The following WDR76 variants were observed in gnomAD, a reference collection of about 807,000 sequenced individuals.
WDR76 encodes WD repeat-containing protein 76.
WDR76 carries 52 observed loss-of-function variants against 70.2 expected under a neutral mutation model. The observed-to-expected ratio is 0.74, with a 90% CI of 0.59 to 0.93. The LOEUF (loss-of-function observed/expected upper bound fraction) is 0.93, where lower values mean the gene tolerates loss of function less well. Among genes scored for constraint, WDR76 ranks in the 40% least tolerant of loss-of-function variants. WDR76 has a pLI of 0.00. For missense variants in WDR76, 756 were observed against 760.2 expected (o/e 0.99, Z 0.07); for synonymous variants, 292 against 271.1 (o/e 1.08, Z -0.76).
At chr15:43,842,551 ATC>A in intron 6 of WDR76, 35 bp downstream of exon 6, 1 of 1,603,116 alleles carries the variant, frequency 6.2e-7, no homozygotes, top group Non-Finnish European at 8.5e-7. Flanking sequence ...CTTTAGAATC[ATC>A]TGTTAAGGAA....
At chr15:43,857,797 TGACAGA>T (rs905267361) in intron 10 of WDR76, among the ~76,000 whole-genome samples, 4 of 127,950 alleles carry the variant, frequency 3.1e-5, no homozygotes, top group Non-Finnish European at 4.6e-5. Context: ...CCAGCCTGGA[TGACAGA>T]GCGAGACTCT....
rs1255525216 is a variant in WDR76 at position 43,848,167 on chromosome 15, C to T, written c.1033-2920C>T. On this transcript the variant is annotated intron_variant, in intron 8 of 12. Transcript: ENST00000263795. ...CTGGGAATATCACCTGAGCTCAAGG[C>T]GGTTGAGGCTGCAGTGAGCCATGAT... 3.3e-5 allele frequency among the ~76,000 whole-genome samples: 5 copies of T among 152,076 alleles called. No homozygotes were observed. In the South Asian group the frequency reaches 8.3e-4, roughly 25 times the overall value.
chr15:43,840,356 CAAA>C, intron 5 of WDR76, among the ~76,000 whole-genome samples: 1 of 151,506 alleles, frequency 6.6e-6, no homozygotes, highest in South Asian at 2.1e-4. Flanking sequence ...AAAAAAACCT[CAAA>C]GAGCTACTGT....
intron 2 of WDR76, among the ~76,000 whole-genome samples, chr15:43,831,934 A>G (rs2087595113): frequency 6.6e-6 from 1 of 151,298 alleles, no homozygotes; most frequent in Non-Finnish European, 1.5e-5. Flanking sequence ...TTTTTAATAG[A>G]GATGGGGTTT....
In WDR76 at chr15:43,867,389, C is replaced by G. The variant is rs1416555705; in HGVS notation, c.*997C>G. ...GTGTTTTTCAGACTGGGTTTTTGCT[C>G]TTCACATGAAATCAAGTTAGATGAC... On this transcript the variant is annotated 3_prime_UTR_variant, in exon 13 of 13. Transcript: ENST00000263795. 1 of 151,854 alleles carries G rather than the reference C, an allele frequency of 6.6e-6. No individual in the cohort carries two copies. The highest frequency in any genetic ancestry group is 1.5e-5 in the Non-Finnish European group (1 of 68,010). 9.4% of individuals were successfully genotyped at this position (151,854 alleles called of 1,614,324 possible).
At chr15:43,832,844 C>T (rs2087609147) in intron 2 of WDR76, among the ~76,000 whole-genome samples, 1 of 144,098 alleles carries the variant, frequency 6.9e-6, no homozygotes, top group East Asian at 2.1e-4. Flanking sequence ...CCACTGCCTC[C>T]CAGGTTCAAG....
chr15:43,851,269 C>G, intron 9 of WDR76, 24 bp downstream of exon 9: 1 of 1,609,658 alleles, frequency 6.2e-7, no homozygotes, highest in Non-Finnish European at 8.5e-7. Context: ...TGTTTACATG[C>G]TGACTTCAGA....
chr15:43,857,903 T>C (rs1466999181), intron 10 of WDR76, among the ~76,000 whole-genome samples: 1 of 151,170 alleles, frequency 6.6e-6, no homozygotes, highest in East Asian at 1.9e-4. Context: ...TGTCTAGTAT[T>C]GTACTTGTTA....
At chr15:43,837,712 A>T in intron 4 of WDR76, among the ~76,000 whole-genome samples, 1 of 152,246 alleles carries the variant, frequency 6.6e-6, no homozygotes. Flanking sequence ...AAAGGTACAT[A>T]TAATGTATTT....
chr15:43,836,197 C>A lies in WDR76; in HGVS notation c.589C>A (p.Gln197Lys). 1.2e-6 allele frequency: 2 copies of A among 1,609,900 alleles called. No individual in the cohort carries two copies. The highest frequency in any genetic ancestry group is 8.5e-7 in the Non-Finnish European group (1 of 1,178,178). Residue 197 changes from glutamine to lysine, a missense_variant, in exon 4 of 13, where the codon CAG becomes AAG. By Grantham distance (53) the Gln-to-Lys change is moderately conservative (BLOSUM62 1). Coordinates refer to ENST00000263795, the MANE Select transcript of WDR76 (RefSeq NM_024908.4). ...ARLREMIEKRQPPKSKRKKPK... is the reference protein window; with the variant it reads ...ARLREMIEKRKPPKSKRKKPK... ...ACTCCGTGAAATGATAGAGAAGAGA[C>A]AGCCTCCTAAATCCAAAAGGTAAAA...
intron 12 of WDR76, among the ~76,000 whole-genome samples, chr15:43,862,670 G>A (rs1227160277): frequency 1.3e-5 from 2 of 148,742 alleles, no homozygotes; most frequent in Non-Finnish European, 1.5e-5. Flanking sequence ...CACCATGCCC[G>A]GCGAATTTTT....
chr15:43,839,133 G>A (rs1161913096), intron 4 of WDR76, among the ~76,000 whole-genome samples: 1 of 152,160 alleles, frequency 6.6e-6, no homozygotes, highest in Admixed American at 6.5e-5. Context: ...GTGTATGGAA[G>A]GGAATGCAGT....
At chr15:43,861,510 T>C in intron 12 of WDR76, 124 bp downstream of exon 12, 2 of 977,896 alleles carry the variant, frequency 2.0e-6, no homozygotes, top group Non-Finnish European at 3.1e-6. Flanking sequence ...ACAAAAATTA[T>C]AAGTGTCCCA....
chr15:43,866,173 G>A lies in WDR76; in HGVS notation c.1662G>A (p.Met554Ile), dbSNP rs771827370. 8 of 1,614,196 alleles carry A rather than the reference G, an allele frequency of 5.0e-6. No individual in the cohort carries two copies. The highest frequency in any genetic ancestry group is 6.8e-6 in the Non-Finnish European group (8 of 1,180,036). Residue 554 changes from methionine (M) to isoleucine (I), a missense_variant, in exon 13 of 13, where the codon ATG (methionine) becomes ATA (isoleucine). Physicochemically the swap from Met to Ile is conservative, Grantham distance 10. Coordinates refer to ENST00000263795, the MANE Select transcript of WDR76 (RefSeq NM_024908.4). ...GATGGCTGACCAGGTTCCAAGCCAT[G>A]TGGGATCCTAAACAAGAAGACTGTG... Reference protein sequence around the residue: ...TGRWLTRFQAMWDPKQEDCVI... With the variant: ...TGRWLTRFQAIWDPKQEDCVI...
intron 9 of WDR76, among the ~76,000 whole-genome samples, chr15:43,855,067 C>T (rs495880): frequency 0.81 from 123,219 of 152,182 alleles, 50,240 homozygotes; most frequent in East Asian, 1. Flanking sequence ...TTACTGTCCC[C>T]ATAGTTTTGC....
rs190050333 is a variant in WDR76 at position 43,830,648 on chromosome 15, A to C, written c.462+2282A>C. ...TTGATGTAATGAAATAGGTCCATTA[A>C]TAGAGTTGCTCCTAAAGAAAAAAAA... On this transcript the variant is annotated intron_variant, in intron 2 of 12. Coordinates refer to ENST00000263795, the MANE Select transcript of WDR76 (RefSeq NM_024908.4). Among the ~76,000 whole-genome samples the C allele has an allele frequency of 1.6e-4, 24 of 152,142 alleles. No homozygotes were observed. In the East Asian group the frequency reaches 4.7e-3, roughly 29 times the overall value.
chr15:43,843,797 A>C, intron 7 of WDR76, 104 bp from the exon 8 acceptor site: 1 of 1,053,412 alleles, frequency 9.5e-7, no homozygotes, highest in East Asian at 2.7e-5. Flanking sequence ...AATAGTTCCC[A>C]TATTTATTTG....
intron 4 of WDR76, among the ~76,000 whole-genome samples, chr15:43,838,196 A>AC: frequency 1.5e-5 from 2 of 136,142 alleles, no homozygotes; most frequent in African/African-American, 5.6e-5. Flanking sequence ...TTATTTATTT[A>AC]TTTTTTTGAG....
In WDR76 at chr15:43,832,743, G is replaced by GTTTTTT. The variant is rs201304087; in HGVS notation, c.463-2296_463-2291dup. On this transcript the variant is annotated intron_variant, in intron 2 of 12. Transcript: ENST00000263795. ...TGAGCCATTGCACCCGGCTTGCTTT[G>GTTTTTT]TTTTTTTTTTTTTTTTTTTTTTTTT... is the stretch of plus-strand genomic sequence containing the variant. Among the ~76,000 whole-genome samples, 320 of 68,110 alleles carry GTTTTTT rather than the reference G, an allele frequency of 4.7e-3. 70 individuals are homozygous for GTTTTTT. The highest frequency in any genetic ancestry group is 0.016 in the East Asian group (31 of 1,912). The allele number at this position is 68,110 out of a possible 152,430, so 44.7% of individuals were successfully genotyped here.
Sources: gnomAD v4.1 joint callset for allele counts (sites outside exome capture counted in the v4.1 genomes callset) on GRCh38, gnomAD v4.1.1 for gene constraint, MANE v1.5 for transcripts, NCBI Gene and HGNC (gene_info 2026-07-23, HGNC 2026-07-21) for gene names.